The following LIN7C variants were observed in gnomAD, a reference collection of about 807,000 sequenced individuals.
LIN7C encodes the protein protein lin-7 homolog C.
Under a neutral mutation model 24.7 loss-of-function variants are expected in LIN7C, and 17 were observed. The ratio of observed to expected loss-of-function variants is 0.69; its 90% CI spans 0.47 to 1.03. The LOEUF (loss-of-function observed/expected upper bound fraction) is 1.03. Among genes scored for constraint, LIN7C ranks in the 50% least tolerant of loss-of-function variants. The probability of loss-of-function intolerance (pLI) is 0.00; values close to 1 mark genes in which losing one functional copy is unlikely to be tolerated. For synonymous variants in LIN7C, 90 were observed against 83.4 expected (o/e 1.08, Z -0.43); for missense variants, 204 against 239.0 (o/e 0.85, Z 0.97).
At position 27,499,391 on chromosome 11, in the gene LIN7C, G is replaced by T; in HGVS notation, c.406C>A (p.Arg136Ser). Residue 136 changes from arginine to serine, a missense_variant, in exon 4 of 5, where the codon CGT becomes AGT. By Grantham distance (110) the Arg-to-Ser change is moderately radical. Coordinates refer to ENST00000278193, the MANE Select transcript of LIN7C (RefSeq NM_018362.4). ...TTAACAGAGAGGAGTTGATCTCCAC[G>T]TTTGAGGCCCCCATGTCTATCAGCA... ...GIADRHGGLK[R>S]GDQLLSVNGV... 1 of 1,613,980 alleles carries T rather than the reference G, an allele frequency of 6.2e-7. No homozygotes were observed. The highest frequency in any genetic ancestry group is 8.5e-7 in the Non-Finnish European group (1 of 1,179,952).
Position 27,501,564 on chromosome 11 carries a change from T to A in LIN7C, c.159A>T (p.Val53=), listed in dbSNP as rs1367741841. 3.1e-6 allele frequency: 5 copies of A among 1,588,384 alleles called. No homozygotes were observed. In the South Asian group the frequency reaches 5.8e-5, roughly 18 times the overall value. ...CCACAGTCTCATAGACATGTTCATA[T>A]ACCTGTAAAAGCCAAAGTTATATCT... is the stretch of plus-strand genomic sequence containing the variant. ...QSEFCNAVRE[V]YEHVYETVDI... The change falls in exon 3 of 5, where the codon GTA becomes GTT. Residue 53 remains valine, a splice_region_variant and synonymous_variant. Transcript: ENST00000278193.
At chr11:27,499,908 T>C (rs2133487927) in intron 3 of LIN7C, among the ~76,000 whole-genome samples, 1 of 152,342 alleles carries the variant, frequency 6.6e-6, no homozygotes, top group South Asian at 2.1e-4. Context: ...ATTACAGGCG[T>C]GAGCCACTGC....
rs757455561 is a variant in LIN7C at position 27,501,815 on chromosome 11, T to C, written c.143A>G (p.Asn48Ser). 5 of 1,605,360 alleles carry C rather than the reference T, an allele frequency of 3.1e-6. No individual in the cohort carries two copies. The highest frequency in any genetic ancestry group is 4.5e-5 in the East Asian group (2 of 44,828). The change falls in exon 2 of 5, where the codon AAT becomes AGT. Residue 48 changes from asparagine (N) to serine (S), a missense_variant. Asn to Ser is a conservative substitution (Grantham distance 46). This residue lies in a region of LIN7C where 126 missense variants were observed against 117.8 expected (regional missense o/e 1.07). Transcript: ENST00000278193. ...LQRVLQSEFC[N>S]AVREVYEHVY... The stretch of plus-strand genomic sequence containing the variant: ...ATGTTTACTCACCTCTCTCACAGCA[T>C]TGCAGAATTCACTTTGAAGGACTCT...
chr11:27,494,959 A>G lies in LIN7C; in HGVS notation c.*3690T>C, dbSNP rs1865148237. The G allele has an allele frequency of 6.6e-6, 1 of 152,656 alleles. No homozygotes were observed. The highest frequency in any genetic ancestry group is 1.5e-5 in the Non-Finnish European group (1 of 68,042). 9.5% of individuals were successfully genotyped at this position (152,656 alleles called of 1,614,324 possible). A position where few individuals can be genotyped will look rare whatever the true frequency, so the allele number is the denominator to read the frequency against. ...TAGAATCCTTGATATTTCAATGATC[A>G]TTCCACATTATAAAATATTCACAAA... On this transcript the variant is annotated 3_prime_UTR_variant, in exon 5 of 5. Coordinates refer to ENST00000278193, the MANE Select transcript of LIN7C (RefSeq NM_018362.4).
At chr11:27,499,723 C>T (rs1865204159) in intron 3 of LIN7C, among the ~76,000 whole-genome samples, 155 bp from the exon 4 acceptor site, 2 of 152,128 alleles carry the variant, frequency 1.3e-5, no homozygotes, top group African/African-American at 4.8e-5. Flanking sequence ...CCTGGCTTCA[C>T]GCCATTCTCC....
Position 27,498,387 on chromosome 11 carries a change from C to CA in LIN7C, c.*261dup. On this transcript the variant is annotated 3_prime_UTR_variant, in exon 5 of 5. Transcript: ENST00000278193. ...TAAAAAATCTATAACAACTTTATGA[C>CA]AAAATCTGCATTTGAAAAAGGCCTG... 3.1e-6 allele frequency: 1 copy of CA among 321,834 alleles called. No homozygotes were observed. The highest frequency in any genetic ancestry group is 5.6e-6 in the Non-Finnish European group (1 of 180,066). The allele number at this position is 321,834 out of a possible 1,614,324, so 19.9% of individuals were successfully genotyped here.
At chr11:27,503,201 AT>A (rs1865242185) in intron 1 of LIN7C, among the ~76,000 whole-genome samples, 1 of 152,226 alleles carries the variant, frequency 6.6e-6, no homozygotes, top group Non-Finnish European at 1.5e-5. Flanking sequence ...TATGAAGCAC[AT>A]TAGGGAATTC....
intron 1 of LIN7C, among the ~76,000 whole-genome samples, chr11:27,504,724 TTAAA>T (rs769151028): frequency 5.3e-5 from 8 of 152,196 alleles, no homozygotes; most frequent in Non-Finnish European, 8.8e-5. Context: ...CCTCTATACT[TTAAA>T]TAATCTCTAG....
chr11:27,504,158 C>A (rs543605177), intron 1 of LIN7C, among the ~76,000 whole-genome samples: 1 of 152,288 alleles, frequency 6.6e-6, no homozygotes, highest in East Asian at 1.9e-4. Flanking sequence ...AAAGCTTAAA[C>A]TTAAAAAGTT....
Position 27,498,811 on chromosome 11 carries a change from GA to G in LIN7C, c.439-8del, listed in dbSNP as rs746188926. On this transcript the variant is annotated splice_region_variant and splice_polypyrimidine_tract_variant and intron_variant, in intron 4 of 4. Coordinates refer to ENST00000278193, the MANE Select transcript of LIN7C (RefSeq NM_018362.4). ...GATGTTCTCCTTCAACACTCTAGGG[GA>G]AAAAAAAACAACCAACCATACACTA... 50 of 1,568,664 alleles carry G rather than the reference GA, an allele frequency of 3.2e-5. No homozygotes were observed. Among genetic ancestry groups the G allele is most frequent in the Middle Eastern group, 1.7e-4 (1 of 5,940 alleles).
Position 27,494,643 on chromosome 11 carries a change from T to C in LIN7C, c.*4006A>G, listed in dbSNP as rs1292940679. ...TTAAATTGATAAATGAAGTAATCTATTGAAAAATGTTATTTTACATCCATT... is the reference window on the plus strand; with the variant it reads ...TTAAATTGATAAATGAAGTAATCTACTGAAAAATGTTATTTTACATCCATT... On this transcript the variant is annotated 3_prime_UTR_variant, in exon 5 of 5. Coordinates refer to ENST00000278193, the MANE Select transcript of LIN7C (RefSeq NM_018362.4). 3 of 152,340 alleles carry C rather than the reference T, an allele frequency of 2.0e-5. No individual in the cohort carries two copies. The highest frequency in any genetic ancestry group is 6.5e-5 in the Admixed American group (1 of 15,298). The allele number at this position is 152,340 out of a possible 1,614,324, so 9.4% of individuals were successfully genotyped here. A position where few individuals can be genotyped will look rare whatever the true frequency, so the allele number is the denominator to read the frequency against.
Position 27,497,613 on chromosome 11 carries a change from T to C in LIN7C, c.*1036A>G, listed in dbSNP as rs1035847637. Reference sequence around the variant, plus strand: ...TACTTCACATCATAATTTCTATGTATCTTAAATATATCCTCTTTTCTTCCT... The same window carrying C: ...TACTTCACATCATAATTTCTATGTACCTTAAATATATCCTCTTTTCTTCCT... On this transcript the variant is annotated 3_prime_UTR_variant, in exon 5 of 5. Transcript: ENST00000278193. 3.9e-5 allele frequency: 6 copies of C among 152,470 alleles called. No homozygotes were observed. The highest frequency in any genetic ancestry group is 6.5e-5 in the Admixed American group (1 of 15,278). The allele number at this position is 152,470 out of a possible 1,614,324, so 9.4% of individuals were successfully genotyped here. A position where few individuals can be genotyped will look rare whatever the true frequency, so the allele number is the denominator to read the frequency against.
chr11:27,501,617 T>TGAAGTTAAAATTTCTGGC, intron 2 of LIN7C, 51 bp from the exon 3 acceptor site: 1 of 1,021,528 alleles, frequency 9.8e-7, no homozygotes, highest in Non-Finnish European at 1.5e-6. Flanking sequence ...GAGTTCTCTG[T>TGAAGTTAAAATTTCTGGC]GAAGTTAAAA....
chr11:27,499,502 T>G lies in LIN7C; in HGVS notation c.295A>C (p.Thr99Pro). 1.2e-6 allele frequency: 2 copies of G among 1,614,098 alleles called. No individual in the cohort carries two copies. The highest frequency in any genetic ancestry group is 1.7e-6 in the Non-Finnish European group (2 of 1,179,984). Residue 99 changes from threonine (T) to proline (P), a missense_variant, in exon 4 of 5, where the codon ACA (threonine) becomes CCA (proline). By Grantham distance (38) the Thr-to-Pro change is conservative (BLOSUM62 -1). Coordinates refer to ENST00000278193, the MANE Select transcript of LIN7C (RefSeq NM_018362.4). ...ATATTGAATCCAAGGCCCTCTTCTG[T>G]TTTTGGTAGCTCAACAACTCGAGGA... ...SHPRVVELPKTEEGLGFNIMG... is the reference protein window; with the variant it reads ...SHPRVVELPKPEEGLGFNIMG...
In LIN7C at chr11:27,495,877, C is replaced by T. The variant is rs1865163214; in HGVS notation, c.*2772G>A. On this transcript the variant is annotated 3_prime_UTR_variant, in exon 5 of 5. Coordinates refer to ENST00000278193, the MANE Select transcript of LIN7C (RefSeq NM_018362.4). ...CCTATAATCCTAATGCTTTGGGAGG[C>T]TGAGGTGGAAGCCAAGGAGTTTCAG... is the stretch of plus-strand genomic sequence containing the variant. 6.6e-6 allele frequency: 1 copy of T among 151,756 alleles called. No homozygotes were observed. The highest frequency in any genetic ancestry group is 6.6e-5 in the Admixed American group (1 of 15,222). 9.4% of individuals were successfully genotyped at this position (151,756 alleles called of 1,614,324 possible).
In LIN7C at chr11:27,498,622, A is replaced by G; in HGVS notation, c.*27T>C. ...GGAAAACTTCTCTAGCTAAAACGCA[A>G]AATGAAATATCAAGTTTTGAAATGT... On this transcript the variant is annotated 3_prime_UTR_variant, in exon 5 of 5. Transcript: ENST00000278193. The G allele has an allele frequency of 6.3e-7, 1 of 1,597,436 alleles. No individual in the cohort carries two copies. Among genetic ancestry groups the G allele is most frequent in the Non-Finnish European group, 8.5e-7 (1 of 1,171,072 alleles).
At position 27,496,596 on chromosome 11, in the gene LIN7C, C is replaced by T. The variant is rs1312413656; in HGVS notation, c.*2053G>A. The T allele has an allele frequency of 2.0e-5, 3 of 152,112 alleles. No individual in the cohort carries two copies. Among genetic ancestry groups the T allele is most frequent in the African/African-American group, 7.2e-5 (3 of 41,418 alleles). The allele number at this position is 152,112 out of a possible 1,614,324, so 9.4% of individuals were successfully genotyped here. A position where few individuals can be genotyped will look rare whatever the true frequency, so the allele number is the denominator to read the frequency against. On this transcript the variant is annotated 3_prime_UTR_variant, in exon 5 of 5. Coordinates refer to ENST00000278193, the MANE Select transcript of LIN7C (RefSeq NM_018362.4). ...CTGTACTTGGCTCCTTTGAGCTACC[C>T]TTATTTTAAGAATTATAAATAGGTG...
chr11:27,504,860 A>C (rs1236212251), intron 1 of LIN7C, among the ~76,000 whole-genome samples: 1 of 152,186 alleles, frequency 6.6e-6, no homozygotes, highest in Non-Finnish European at 1.5e-5. Flanking sequence ...GAGTATTTTC[A>C]ATCTGCAGTT....
At position 27,497,139 on chromosome 11, in the gene LIN7C, G is replaced by A. The variant is rs1865179451; in HGVS notation, c.*1510C>T. 1 of 152,552 alleles carries A rather than the reference G, an allele frequency of 6.6e-6. No homozygotes were observed. Among genetic ancestry groups the A allele is most frequent in the African/African-American group, 2.4e-5 (1 of 41,444 alleles). 9.4% of individuals were successfully genotyped at this position (152,552 alleles called of 1,614,324 possible). On this transcript the variant is annotated 3_prime_UTR_variant, in exon 5 of 5. Transcript: ENST00000278193. ...TACCTTAATGATAAATAACAATGCT[G>A]ATTGACTTTTATTTTGAAAAATCAT...
Sources: allele counts gnomAD v4.1 joint callset (sites outside exome capture counted in the v4.1 genomes callset), GRCh38; gene constraint gnomAD v4.1.1; regional missense constraint gnomAD v4.1.1; transcripts MANE v1.5; gene names NCBI Gene and HGNC (gene_info 2026-07-23, HGNC 2026-07-21).